The following ANO1 variants were observed in gnomAD, a reference collection of about 807,000 sequenced individuals.
The protein encoded by ANO1 is anoctamin-1.
A neutral mutation model predicts 124.0 loss-of-function variants in ANO1; 59 were observed. That is an observed-to-expected ratio of 0.48 (90% CI 0.39 to 0.59). The LOEUF (loss-of-function observed/expected upper bound fraction) is 0.59. ANO1 is among the 20% of genes least tolerant of loss of function. ANO1 has a pLI of 0.00. For missense variants in ANO1, 1,059 were observed against 1,328.0 expected (o/e 0.80, Z 3.15); for synonymous variants, 529 against 532.0 (o/e 0.99, Z 0.08).
At chr11:70,072,002 C>T (rs1455265860) in intron 1 of ANO1, among the ~76,000 whole-genome samples, 3 of 152,152 alleles carry the variant, frequency 2.0e-5, no homozygotes, top group African/African-American at 7.2e-5. Context: ...TTGATTTCCC[C>T]TGATTATTTT....
chr11:70,116,535 C>T (rs767272832), intron 8 of ANO1, 36 bp downstream of exon 8: 14 of 1,569,760 alleles, frequency 8.9e-6, no homozygotes, highest in South Asian at 7.0e-5. Flanking sequence ...GTGGCTCTGT[C>T]AGAGCCTGGA....
chr11:70,004,144 A>G (rs2120352662), intron 1 of ANO1, among the ~76,000 whole-genome samples: 1 of 152,236 alleles, frequency 6.6e-6, no homozygotes, highest in South Asian at 2.1e-4. Context: ...CAGTGGTCTC[A>G]CCACCCTGCA....
Position 70,087,732 on chromosome 11 carries a change from G to A in ANO1, c.109-20G>A. On this transcript the variant is annotated intron_variant, in intron 1 of 25. Transcript: ENST00000355303. ...ACGAGCAGCTCGATGGTGAATGGGT[G>A]TCTTTTCTTCCACCCTTAGCTGCTG... is the stretch of plus-strand genomic sequence containing the variant. 3.8e-6 allele frequency: 6 copies of A among 1,562,108 alleles called. No individual in the cohort carries two copies. The highest frequency in any genetic ancestry group is 4.3e-6 in the Non-Finnish European group (5 of 1,151,290).
chr11:70,145,592 C>T (rs2047339924), intron 11 of ANO1, among the ~76,000 whole-genome samples: 1 of 152,046 alleles, frequency 6.6e-6, no homozygotes, highest in Non-Finnish European at 1.5e-5. Flanking sequence ...ACCTCCAGGA[C>T]AGGGCCTTTG....
chr11:70,107,395 C>G (rs1205861931), intron 5 of ANO1, among the ~76,000 whole-genome samples: 1 of 151,662 alleles, frequency 6.6e-6, no homozygotes, highest in Admixed American at 6.6e-5. Context: ...AAAGGAACAG[C>G]CAGGGCGGAG....
At chr11:70,144,381 G>A (rs2047273766) in intron 11 of ANO1, among the ~76,000 whole-genome samples, 4 of 152,120 alleles carry the variant, frequency 2.6e-5, no homozygotes, top group Admixed American at 2.6e-4. Context: ...GCTTGTGGAT[G>A]AAGTCAGGGA....
chr11:70,004,255 T>C (rs190128211), intron 1 of ANO1, among the ~76,000 whole-genome samples: 12 of 151,698 alleles, frequency 7.9e-5, no homozygotes, highest in Admixed American at 7.9e-4. Flanking sequence ...AGCTTTAGAG[T>C]AGTGAGATGT....
At chr11:69,969,716 A>G in the ANO1 span, among the ~76,000 whole-genome samples, 36 of 152,258 alleles carry the variant, frequency 2.4e-4, no homozygotes, top group Non-Finnish European at 3.5e-4. Context: ...TGGGAGGCCG[A>G]GGCGGGTGGA....
At position 70,116,391 on chromosome 11, in the gene ANO1, A is replaced by C. The variant is rs146891518; in HGVS notation, c.856-67A>C. The C allele has an allele frequency of 1.9e-4, 274 of 1,449,940 alleles. 2 individuals carry two copies. The East Asian group carries it at 5.5e-3, about 29-fold the overall frequency. The allele number at this position is 1,449,940 out of a possible 1,614,324, so 89.8% of individuals were successfully genotyped here. A position where few individuals can be genotyped will look rare whatever the true frequency, so the allele number is the denominator to read the frequency against. ...TGCTGGGGTTTATGTTTTGAAACAT[A>C]ATGGATGTGAGCGCCTCCAAAGCTC... On this transcript the variant is annotated intron_variant, in intron 7 of 25. Transcript: ENST00000355303.
intron 19 of ANO1, among the ~76,000 whole-genome samples, chr11:70,164,703 C>T (rs1270126305): frequency 1.3e-5 from 2 of 152,122 alleles, no homozygotes; most frequent in East Asian, 3.9e-4. Context: ...TTGCCGGGTC[C>T]CAGGCCTAAG....
chr11:70,082,223 C>T (rs182969400), intron 1 of ANO1, among the ~76,000 whole-genome samples: 1 of 152,278 alleles, frequency 6.6e-6, no homozygotes, highest in African/African-American at 2.4e-5. Context: ...TGCATTCATT[C>T]ATTCATTCAG....
At chr11:70,019,989 T>G (rs1856771251) in intron 1 of ANO1, among the ~76,000 whole-genome samples, 1 of 152,112 alleles carries the variant, frequency 6.6e-6, no homozygotes, top group Admixed American at 6.5e-5. Flanking sequence ...CTCTTCCCTC[T>G]CCCCTCCCCA....
At chr11:70,019,076 T>A (rs894523251) in intron 1 of ANO1, among the ~76,000 whole-genome samples, 1 of 152,260 alleles carries the variant, frequency 6.6e-6, no homozygotes. Context: ...GGAGGGCTTC[T>A]TGGAGGAGGT....
At chr11:70,079,503 AG>A (rs1202475572) in intron 1 of ANO1, among the ~76,000 whole-genome samples, 3 of 151,806 alleles carry the variant, frequency 2.0e-5, no homozygotes, top group Admixed American at 6.5e-5. Context: ...TGTTTTAGAG[AG>A]GGGGGCAGAA....
chr11:70,033,760 C>A (rs1314506340), intron 1 of ANO1, among the ~76,000 whole-genome samples: 2 of 152,078 alleles, frequency 1.3e-5, no homozygotes, highest in Non-Finnish European at 2.9e-5. Flanking sequence ...CATGGCCATG[C>A]TCATTCATTC....
intron 1 of ANO1, among the ~76,000 whole-genome samples, chr11:70,040,161 G>C (rs1011650465): frequency 7.2e-5 from 11 of 152,092 alleles, no homozygotes; most frequent in Non-Finnish European, 1.2e-4. Context: ...CCCTGCTCAA[G>C]ACCCACAATG....
chr11:70,116,396 A>T, intron 7 of ANO1, 62 bp from the exon 8 acceptor site: 7 of 1,471,978 alleles, frequency 4.8e-6, no homozygotes, highest in Non-Finnish European at 4.7e-6. Context: ...AACATAATGG[A>T]TGTGAGCGCC....
chr11:70,028,753 C>T (rs536648932), intron 1 of ANO1, among the ~76,000 whole-genome samples: 4 of 152,086 alleles, frequency 2.6e-5, no homozygotes, highest in East Asian at 1.9e-4. Context: ...GAGGTGGGAC[C>T]GCCTCTCTGT....
intron 7 of ANO1, among the ~76,000 whole-genome samples, chr11:70,112,240 A>G (rs935673345): frequency 6.6e-6 from 1 of 152,156 alleles, no homozygotes; most frequent in African/African-American, 2.4e-5. Context: ...GAGAGAGAGA[A>G]GATTGTCTTC....
Sources: allele counts gnomAD v4.1 joint callset (sites outside exome capture counted in the v4.1 genomes callset), GRCh38; gene constraint gnomAD v4.1.1; transcripts MANE v1.5; gene names NCBI Gene and HGNC (gene_info 2026-07-23, HGNC 2026-07-21).